Variants in CENPW observed in about 807,000 individuals in gnomAD.
The protein encoded by CENPW is cancer-up-regulated gene 2 protein.
In CENPW, 3 loss-of-function variants were observed where a neutral mutation model predicts 11.1. The ratio of observed to expected loss-of-function variants is 0.27; its 90% confidence interval spans 0.12 to 0.70. CENPW has a LOEUF of 0.70. Among genes scored for constraint, CENPW ranks in the 30% least tolerant of loss-of-function variants. The pLI, the probability that CENPW is intolerant of heterozygous loss-of-function variation, is 0.77. For synonymous variants in CENPW, 38 were observed against 42.0 expected, an observed-to-expected ratio of 0.91 and a Z score of 0.37; for missense variants, 100 against 105.6, an observed-to-expected ratio of 0.95 and a Z score of 0.23.
At chr6:126,365,349 C>T in the CENPW span, among the ~76,000 whole-genome samples, 1 of 152,190 alleles carries the variant, frequency 6.6e-6, no homozygotes, top group Non-Finnish European at 1.5e-5. Context: ...TTAATTAGCT[C>T]ATTAAGTTTT....
At chr6:126,397,110 A>T in the CENPW span, among the ~76,000 whole-genome samples, 1 of 152,092 alleles carries the variant, frequency 6.6e-6, no homozygotes, top group Non-Finnish European at 1.5e-5. Context: ...AGCCCAGCAC[A>T]GCACTAGGAC....
At chr6:126,459,230 C>T in the CENPW span, among the ~76,000 whole-genome samples, 2 of 151,324 alleles carry the variant, frequency 1.3e-5, no homozygotes, top group African/African-American at 2.4e-5. Context: ...CATGAAGAAA[C>T]TTTGCTAGAG....
the CENPW span, among the ~76,000 whole-genome samples, chr6:126,405,436 G>T: frequency 8.0e-4 from 121 of 152,174 alleles, no homozygotes; most frequent in African/African-American, 2.7e-3. Flanking sequence ...AGACAGTAGT[G>T]TGATGCCTCC....
At chr6:126,432,747 C>G in the CENPW span, among the ~76,000 whole-genome samples, 9 of 152,146 alleles carry the variant, frequency 5.9e-5, no homozygotes, top group East Asian at 1.2e-3. Flanking sequence ...CCTGTATCTG[C>G]TAGACCTGGA....
At chr6:126,461,940 G>C in the CENPW span, among the ~76,000 whole-genome samples, 2 of 151,950 alleles carry the variant, frequency 1.3e-5, 1 homozygote, top group Middle Eastern at 6.8e-3. Flanking sequence ...CTAGAAGTAG[G>C]CTCATTTCTA....
the CENPW span, among the ~76,000 whole-genome samples, chr6:126,482,667 A>G: frequency 1.3e-5 from 2 of 151,996 alleles, no homozygotes; most frequent in African/African-American, 4.8e-5. Context: ...AGTATTTTTG[A>G]GTGAGTGTAT....
At chr6:126,408,446 GCATGGGGAAGA>G in the CENPW span, among the ~76,000 whole-genome samples, 1 of 152,094 alleles carries the variant, frequency 6.6e-6, no homozygotes, top group Non-Finnish European at 1.5e-5. Flanking sequence ...CACGAGAACA[GCATGGGGAAGA>G]CCTGCTCCCA....
chr6:126,422,849 A>G, the CENPW span, among the ~76,000 whole-genome samples: 1 of 152,124 alleles, frequency 6.6e-6, no homozygotes, highest in Non-Finnish European at 1.5e-5. Context: ...ACTTAACAAC[A>G]GGAGTCTTAA....
At chr6:126,464,216 C>A in the CENPW span, among the ~76,000 whole-genome samples, 1 of 152,008 alleles carries the variant, frequency 6.6e-6, no homozygotes, top group African/African-American at 2.4e-5. Context: ...AAAAAGGAAA[C>A]CACCTGAACA....
chr6:126,464,740 C>T, the CENPW span, among the ~76,000 whole-genome samples: 1 of 152,100 alleles, frequency 6.6e-6, no homozygotes, highest in Non-Finnish European at 1.5e-5. Flanking sequence ...TCACTGGCTT[C>T]CTTGCTCCTT....
At chr6:126,428,595 T>C in the CENPW span, among the ~76,000 whole-genome samples, 1 of 152,208 alleles carries the variant, frequency 6.6e-6, no homozygotes, top group Non-Finnish European at 1.5e-5. Context: ...CTTTGCTCAT[T>C]AGAGTGATTG....
At chr6:126,477,541 C>T in the CENPW span, among the ~76,000 whole-genome samples, 1 of 151,884 alleles carries the variant, frequency 6.6e-6, no homozygotes, top group Non-Finnish European at 1.5e-5. Flanking sequence ...CTCACATACT[C>T]TGTGATAAGC....
chr6:126,349,294 A>G (rs771559105), downstream of CENPW, among the ~76,000 whole-genome samples: 3 of 152,150 alleles, frequency 2.0e-5, no homozygotes, highest in Non-Finnish European at 4.4e-5. Context: ...GTATAATATC[A>G]AAACCAGGAA....
chr6:126,448,721 G>T, the CENPW span, among the ~76,000 whole-genome samples: 2 of 150,764 alleles, frequency 1.3e-5, no homozygotes, highest in Non-Finnish European at 3.0e-5. Flanking sequence ...TACTGTAATA[G>T]GTTTTTTACC....
chr6:126,400,247 C>T, the CENPW span, among the ~76,000 whole-genome samples: 1 of 152,008 alleles, frequency 6.6e-6, no homozygotes, highest in African/African-American at 2.4e-5. Context: ...CAACAGCAGT[C>T]TTCTCAGTTT....
intron 1 of CENPW, among the ~76,000 whole-genome samples, chr6:126,341,628 G>T (rs760213504): frequency 4.6e-5 from 7 of 152,096 alleles, no homozygotes; most frequent in Non-Finnish European, 7.4e-5. Context: ...CTTGTGCCCC[G>T]ACCCCAATTA....
the CENPW span, among the ~76,000 whole-genome samples, chr6:126,426,940 C>T: frequency 6.6e-6 from 1 of 152,120 alleles, no homozygotes; most frequent in Non-Finnish European, 1.5e-5. Flanking sequence ...CATGATGCAG[C>T]TGTTCTGAAA....
At chr6:126,454,039 T>C in the CENPW span, among the ~76,000 whole-genome samples, 1 of 151,446 alleles carries the variant, frequency 6.6e-6, no homozygotes, top group African/African-American at 2.4e-5. Context: ...TGAATATATA[T>C]GCATGAGCAC....
the CENPW span, among the ~76,000 whole-genome samples, chr6:126,385,438 ACT>A: frequency 3.3e-5 from 5 of 152,096 alleles, no homozygotes; most frequent in African/African-American, 1.2e-4. Context: ...AAAAGAACAA[ACT>A]CATGTCCTTT....
Sources: allele counts gnomAD v4.1 joint callset (sites outside exome capture counted in the v4.1 genomes callset), GRCh38; gene constraint gnomAD v4.1.1; transcripts MANE v1.5; gene names NCBI Gene and HGNC (gene_info 2026-07-23, HGNC 2026-07-21).